The following CABIN1 variants were observed in gnomAD, a reference collection of about 807,000 sequenced individuals.
CABIN1 encodes calcineurin-binding protein cabin-1.
In CABIN1, 133 loss-of-function variants were observed where a neutral mutation model predicts 227.7. That is an observed-to-expected ratio of 0.58 (90% confidence interval 0.51 to 0.67). The LOEUF (loss-of-function observed/expected upper bound fraction) is 0.67. Among genes scored for constraint, CABIN1 ranks in the 30% least tolerant of loss-of-function variants. The probability of loss-of-function intolerance (pLI) is 0.00; values close to 1 mark genes in which losing one functional copy is unlikely to be tolerated. For synonymous variants in CABIN1, 1,086 were observed against 1,155.1 expected, an observed-to-expected ratio of 0.94 and a Z score of 1.21; for missense variants, 2,408 against 2,852.5, an observed-to-expected ratio of 0.84 and a Z score of 3.55.
At chr22:24,085,253 T>C in intron 22 of CABIN1, 102 bp downstream of exon 22, 1 of 1,244,484 alleles carries the variant, frequency 8.0e-7, no homozygotes. Context: ...TCCCTGTCCA[T>C]TGCAAAGAGA....
At chr22:24,163,250 C>T (rs1169433220) in intron 29 of CABIN1, among the ~76,000 whole-genome samples, 3 of 152,104 alleles carry the variant, frequency 2.0e-5, no homozygotes, top group Non-Finnish European at 2.9e-5. Context: ...CTCAAGGCTG[C>T]GAGTTTTAAA....
chr22:24,066,163 G>C (rs1044052295), intron 15 of CABIN1, among the ~76,000 whole-genome samples: 1 of 152,246 alleles, frequency 6.6e-6, no homozygotes, highest in African/African-American at 2.4e-5. Flanking sequence ...CTTCCCATAT[G>C]CTGAGTGGGG....
intron 28 of CABIN1, among the ~76,000 whole-genome samples, chr22:24,120,564 G>A (rs904151055): frequency 5.9e-5 from 9 of 152,218 alleles, no homozygotes; most frequent in Admixed American, 2.6e-4. Flanking sequence ...GCTCACGCCT[G>A]TAATCCCAGC....
intron 26 of CABIN1, among the ~76,000 whole-genome samples, chr22:24,107,785 A>G (rs968157704): frequency 6.6e-6 from 1 of 152,232 alleles, no homozygotes; most frequent in African/African-American, 2.4e-5. Context: ...AGAGCCCAAA[A>G]GAGCCTGTGA....
At chr22:24,124,807 G>C (rs550640454) in intron 28 of CABIN1, among the ~76,000 whole-genome samples, 1 of 152,278 alleles carries the variant, frequency 6.6e-6, no homozygotes, top group East Asian at 1.9e-4. Context: ...TGCTCAGCTG[G>C]GAGCTGAGCC....
intron 29 of CABIN1, among the ~76,000 whole-genome samples, chr22:24,164,073 C>T (rs1370769183): frequency 6.6e-6 from 1 of 152,206 alleles, no homozygotes; most frequent in East Asian, 1.9e-4. Flanking sequence ...ACACACTGGG[C>T]CTCTCACTGT....
chr22:24,135,833 G>C (rs967547430), intron 29 of CABIN1, among the ~76,000 whole-genome samples: 3 of 152,186 alleles, frequency 2.0e-5, no homozygotes, highest in Non-Finnish European at 4.4e-5. Flanking sequence ...AATTCTCAGG[G>C]TACGTGGGCA....
Position 24,178,495 on chromosome 22 carries a change from A to T in CABIN1, c.*299A>T, listed in dbSNP as rs964252807. The T allele has an allele frequency of 2.3e-6, 1 of 435,032 alleles. No individual in the cohort carries two copies. The highest frequency in any genetic ancestry group is 2.0e-5 in the African/African-American group (1 of 49,930). The allele number at this position is 435,032 out of a possible 1,614,324, so 26.9% of individuals were successfully genotyped here. A position where few individuals can be genotyped will look rare whatever the true frequency, so the allele number is the denominator to read the frequency against. On this transcript the variant is annotated 3_prime_UTR_variant, in exon 37 of 37. Coordinates refer to ENST00000263119, the MANE Select transcript of CABIN1 (RefSeq NM_012295.4). Reference sequence around the variant, plus strand: ...GTGTTGACTTTGTAAATCTGCCCACACCCAGCTGGCCATATCCACCCCTCG... The same window carrying T: ...GTGTTGACTTTGTAAATCTGCCCACTCCCAGCTGGCCATATCCACCCCTCG...
At chr22:24,042,265 C>A (rs1601744850) in intron 5 of CABIN1, among the ~76,000 whole-genome samples, 1 of 152,190 alleles carries the variant, frequency 6.6e-6, no homozygotes, top group African/African-American at 2.4e-5. Context: ...ATTTTCTTTT[C>A]TTTCTTCTCC....
chr22:24,132,859 A>G (rs1031808023), intron 28 of CABIN1, among the ~76,000 whole-genome samples: 1 of 152,222 alleles, frequency 6.6e-6, no homozygotes, highest in Non-Finnish European at 1.5e-5. Context: ...AAGTGCTGGG[A>G]TTACAGGCGT....
At chr22:24,110,449 A>T (rs1044596093) in intron 26 of CABIN1, among the ~76,000 whole-genome samples, 1 of 152,248 alleles carries the variant, frequency 6.6e-6, no homozygotes, top group Non-Finnish European at 1.5e-5. Flanking sequence ...AGAAAAATCG[A>T]ACATAAAAAG....
Position 24,087,442 on chromosome 22 carries a change from AC to A in CABIN1, c.3264-8del. 1 of 1,613,302 alleles carries A rather than the reference AC, an allele frequency of 6.2e-7. No individual in the cohort carries two copies. The highest frequency in any genetic ancestry group is 8.5e-7 in the Non-Finnish European group (1 of 1,180,004). Reference sequence around the variant, plus strand: ...GTTGTTTTTAGCTGGTGCTTTTGTTACCACCACAGGTTTGATTCCTGGGCAG... The same window carrying A: ...GTTGTTTTTAGCTGGTGCTTTTGTTACACCACAGGTTTGATTCCTGGGCAG... On this transcript the variant is annotated splice_polypyrimidine_tract_variant and intron_variant, in intron 22 of 36. Coordinates refer to ENST00000263119, the MANE Select transcript of CABIN1 (RefSeq NM_012295.4).
At chr22:24,012,668 G>A (rs980048959) in intron 1 of CABIN1, among the ~76,000 whole-genome samples, 2 of 152,212 alleles carry the variant, frequency 1.3e-5, no homozygotes, top group East Asian at 1.9e-4. Flanking sequence ...AGACTAATAA[G>A]CCTGGTGAAT....
intron 25 of CABIN1, 79 bp downstream of exon 25, chr22:24,096,161 T>A: frequency 6.6e-7 from 1 of 1,505,568 alleles, no homozygotes; most frequent in Non-Finnish European, 9.2e-7. Context: ...CAATGTGTTG[T>A]TCAGAGGGTT....
chr22:24,025,194 G>A (rs1292717322), intron 1 of CABIN1, among the ~76,000 whole-genome samples: 1 of 152,102 alleles, frequency 6.6e-6, no homozygotes, highest in Non-Finnish European at 1.5e-5. Context: ...GTTGAGGGCT[G>A]CAGCCATCAA....
chr22:24,113,776 A>G, intron 27 of CABIN1, 28 bp downstream of exon 27: 1 of 1,612,180 alleles, frequency 6.2e-7, no homozygotes. Flanking sequence ...GGTGAATTAG[A>G]ACCACTTTGA....
intron 10 of CABIN1, among the ~76,000 whole-genome samples, chr22:24,058,005 T>C (rs1296416156): frequency 1.3e-5 from 2 of 152,174 alleles, no homozygotes; most frequent in Non-Finnish European, 2.9e-5. Context: ...GTTGTTGGTT[T>C]CGTTTGTGGT....
intron 1 of CABIN1, among the ~76,000 whole-genome samples, chr22:24,033,557 C>G (rs1601702427): frequency 2.0e-5 from 3 of 152,314 alleles, no homozygotes; most frequent in Admixed American, 2.0e-4. Context: ...GCCCCTTCTG[C>G]CAGCCTCTCA....
Position 24,043,113 on chromosome 22 carries a change from T to C in CABIN1, c.526+29T>C, listed in dbSNP as rs1212776428. On this transcript the variant is annotated intron_variant, in intron 6 of 36. Transcript: ENST00000263119. ...AGTCATGCTTTGATGCTTTCTTCCA[T>C]GTGCCAGTGGTTTTTGGAACAGCAG... 4.3e-6 allele frequency: 7 copies of C among 1,609,242 alleles called. No individual in the cohort carries two copies. The African/African-American group carries it at 6.7e-5, about 15-fold the overall frequency.
Sources: gnomAD v4.1 joint callset for allele counts (sites outside exome capture counted in the v4.1 genomes callset) on GRCh38, gnomAD v4.1.1 for gene constraint, MANE v1.5 for transcripts, NCBI Gene and HGNC (gene_info 2026-07-23, HGNC 2026-07-21) for gene names.